PCDH1: variants seen among roughly 807,000 people sequenced by gnomAD.
The protein encoded by PCDH1 is protocadherin-1.
PCDH1 carries 23 observed loss-of-function variants against 74.6 expected under a neutral mutation model. The ratio of observed to expected loss-of-function variants is 0.31; its 90% CI spans 0.22 to 0.44. The LOEUF (loss-of-function observed/expected upper bound fraction) is 0.44, where lower values mean the gene tolerates loss of function less well. Among genes scored for constraint, PCDH1 ranks in the 20% least tolerant of loss-of-function variants. The pLI, the probability that PCDH1 is intolerant of heterozygous loss-of-function variation, is 1.00. For missense variants in PCDH1, 1,214 were observed against 1,641.4 expected (o/e 0.74, Z 4.50); for synonymous variants, 647 against 686.1 (o/e 0.94, Z 0.89).
chr5:141,863,184 G>A lies in PCDH1; in HGVS notation c.3099+48C>T, dbSNP rs757401753. On this transcript the variant is annotated intron_variant, in intron 3 of 4. Coordinates refer to ENST00000287008, the MANE Select transcript of PCDH1 (RefSeq NM_032420.5). This position sits in a 1 kb window ranked among gnomAD's most constrained non-coding sequence, Gnocchi z 7.5. ...CCTCGGTCCAGATGGCTCCGTGGTAGGGGTGGGGTAGGGGCTGGGGTGTGC... is the reference window on the plus strand; with the variant it reads ...CCTCGGTCCAGATGGCTCCGTGGTAAGGGTGGGGTAGGGGCTGGGGTGTGC... 1.3e-6 allele frequency: 2 copies of A among 1,515,624 alleles called. No individual in the cohort carries two copies. Among genetic ancestry groups the A allele is most frequent in the Admixed American group, 4.3e-5 (2 of 46,528 alleles). The allele number at this position is 1,515,624 out of a possible 1,614,324, so 93.9% of individuals were successfully genotyped here.
chr5:141,864,695 C>G lies in PCDH1; in HGVS notation c.1636G>C (p.Glu546Gln), dbSNP rs775053672. ...AGGCCCTTAGCAGCCGGCTCAGGCTCCAGAGAGTAAACCAGCTCAGCATTA... is the reference window on the plus strand; with the variant it reads ...AGGCCCTTAGCAGCCGGCTCAGGCTGCAGAGAGTAAACCAGCTCAGCATTA... ...GSNAELVYSL[E>Q]PEPAAKGLFT... The change falls in exon 3 of 5, where the codon GAG (glutamate) becomes CAG (glutamine). Residue 546 changes from glutamate (E) to glutamine (Q), a missense_variant. Transcript: ENST00000287008. The surrounding 1 kb of genome is among the most constrained non-coding windows in gnomAD (Gnocchi z 5.9). The G allele has an allele frequency of 4.1e-5, 66 of 1,614,028 alleles. No homozygotes were observed. The highest frequency in any genetic ancestry group is 5.0e-5 in the Non-Finnish European group (59 of 1,180,050).
intron 3 of PCDH1, chr5:141,862,514 G>T (rs2126811973): frequency 2.2e-6 from 1 of 452,894 alleles, no homozygotes; most frequent in Non-Finnish European, 2.9e-6. Flanking sequence ...AGATAGTGTG[G>T]GGTACAATGG....
At chr5:141,859,202 A>C (rs1300496901) in intron 3 of PCDH1, among the ~76,000 whole-genome samples, 1 of 152,110 alleles carries the variant, frequency 6.6e-6, no homozygotes, top group Non-Finnish European at 1.5e-5. Context: ...GGCACAGGGC[A>C]ACATGGTTGT....
rs569996585 is a variant in PCDH1, at chr5:141,868,478, C to T, written c.903+91G>A. On this transcript the variant is annotated intron_variant, in intron 2 of 4. Coordinates refer to ENST00000287008, the MANE Select transcript of PCDH1 (RefSeq NM_032420.5). This position sits in a 1 kb window ranked among gnomAD's most constrained non-coding sequence, Gnocchi z 4.8. ...TCACTACAGTATTCTGGCAGTTTTT[C>T]CCCTAAGTGAAGGGAACTCTCACCT... 1.3e-5 allele frequency: 20 copies of T among 1,499,618 alleles called. No homozygotes were observed. In the East Asian group the frequency reaches 4.4e-4, roughly 33 times the overall value. 92.9% of individuals were successfully genotyped at this position (1,499,618 alleles called of 1,614,324 possible). A position where few individuals can be genotyped will look rare whatever the true frequency, so the allele number is the denominator to read the frequency against.
intron 1 of PCDH1, among the ~76,000 whole-genome samples, chr5:141,870,329 C>T (rs1415512930): frequency 6.6e-6 from 1 of 152,206 alleles, no homozygotes; most frequent in Non-Finnish European, 1.5e-5. Context: ...TGCTAGGGCT[C>T]CTCTCCTCTC....
rs565768823 is a variant in PCDH1 at position 141,865,530 on chromosome 5, G to A, written c.904-103C>T. On this transcript the variant is annotated intron_variant, in intron 2 of 4. Transcript: ENST00000287008. The surrounding 1 kb of genome is among the most constrained non-coding windows in gnomAD (Gnocchi z 4.4). ...GCCAATGTCCTTTCCAACAAGCATGGCAGACACAGCCAATCCAACATCGCT... is the reference window on the plus strand; with the variant it reads ...GCCAATGTCCTTTCCAACAAGCATGACAGACACAGCCAATCCAACATCGCT... 2 of 1,282,840 alleles carry A rather than the reference G, an allele frequency of 1.6e-6. No homozygotes were observed. The highest frequency in any genetic ancestry group is 1.4e-5 in the South Asian group (1 of 73,350). 79.5% of individuals were successfully genotyped at this position (1,282,840 alleles called of 1,614,324 possible). A position where few individuals can be genotyped will look rare whatever the true frequency, so the allele number is the denominator to read the frequency against.
Position 141,864,347 on chromosome 5 carries a change from T to C in PCDH1, c.1984A>G (p.Asn662Asp). The change falls in exon 3 of 5, where the codon AAT becomes GAT. Residue 662 changes from asparagine to aspartate, a missense_variant. This residue lies in a region of PCDH1 where 836 missense variants were observed against 1,182.2 expected (regional missense o/e 0.71). Coordinates refer to ENST00000287008, the MANE Select transcript of PCDH1 (RefSeq NM_032420.5). The surrounding 1 kb of genome is among the most constrained non-coding windows in gnomAD (Gnocchi z 5.9). ...CTGGATAGGATGGTGCCTGTGCCAT[T>C]CTGGATAACAAAGTCACCGTTGTCC... ...EQDNGDFVIQ[N>D]GTGTILSSLS... The C allele has an allele frequency of 6.2e-7, 1 of 1,614,054 alleles. No homozygotes were observed. The highest frequency in any genetic ancestry group is 1.6e-4 in the Middle Eastern group (1 of 6,062).
In PCDH1 at chr5:141,869,121, A is replaced by G; in HGVS notation, c.351T>C (p.Arg117=). ...DIFTTETSID[R]EGLRECQNQL... ...GGTTCTGGCATTCACGGAGCCCCTC[A>G]CGGTCGATGGAGGTCTCGGTGGTGA... The change falls in exon 2 of 5, where the codon CGT becomes CGC. Residue 117 remains arginine, a synonymous_variant. Coordinates refer to ENST00000287008, the MANE Select transcript of PCDH1 (RefSeq NM_032420.5). The surrounding 1 kb of genome is among the most constrained non-coding windows in gnomAD (Gnocchi z 4.9). 6.2e-7 allele frequency: 1 copy of G among 1,611,520 alleles called. No individual in the cohort carries two copies. Among genetic ancestry groups the G allele is most frequent in the Non-Finnish European group, 8.5e-7 (1 of 1,179,412 alleles).
chr5:141,868,707 G>A lies in PCDH1; in HGVS notation c.765C>T (p.Gly255=), dbSNP rs371543146. 2.5e-5 allele frequency: 41 copies of A among 1,613,872 alleles called. 1 individual carries two copies. The highest frequency in any genetic ancestry group is 1.5e-4 in the Admixed American group (9 of 59,998). Residue 255 remains glycine, a synonymous_variant, in exon 2 of 5, where the codon GGC becomes GGT. Coordinates refer to ENST00000287008, the MANE Select transcript of PCDH1 (RefSeq NM_032420.5). This position sits in a 1 kb window ranked among gnomAD's most constrained non-coding sequence, Gnocchi z 4.8. The part of the protein sequence containing the change: ...SYDLTIKVQD[G]GSPPRASSAL... ...CACTGCTGGCGCGTGGGGGGCTGCC[G>A]CCATCCTGCACCTTGATGGTGAGGT... is the stretch of plus-strand genomic sequence containing the variant.
At chr5:141,858,778 G>A (rs11167761) in intron 3 of PCDH1, among the ~76,000 whole-genome samples, 22,039 of 152,142 alleles carry the variant, frequency 0.14, 1,939 homozygotes, top group East Asian at 0.22. Context: ...GAGTCTCTAA[G>A]CTCCTTCCCA....
chr5:141,856,196 C>T, intron 4 of PCDH1: 1 of 1,534,846 alleles, frequency 6.5e-7, no homozygotes, highest in Non-Finnish European at 8.7e-7. Flanking sequence ...TCCCACAGAC[C>T]CCAGACCCCA....
chr5:141,854,514 A>T, intron 4 of PCDH1, 78 bp from the exon 5 acceptor site: 2 of 1,447,064 alleles, frequency 1.4e-6, no homozygotes, highest in Admixed American at 4.3e-5. Context: ...TCCCACTGGC[A>T]TCTACACCCC....
Position 141,863,718 on chromosome 5 carries a change from C to A in PCDH1, c.2613G>T (p.Ala871=), listed in dbSNP as rs768809053. The part of the protein sequence containing the change: ...VVAVALLIAL[A]VLVRYCRQRE... ...GCTGTCTGCAGTAGCGCACAAGAAC[C>A]GCCAGGGCGATGAGCAAGGCCACGG... The change falls in exon 3 of 5, where the codon GCG becomes GCT. Residue 871 remains alanine, a synonymous_variant. Transcript: ENST00000287008. This position sits in a 1 kb window ranked among gnomAD's most constrained non-coding sequence, Gnocchi z 7.5. The A allele has an allele frequency of 1.9e-6, 3 of 1,614,086 alleles. No homozygotes were observed. In the Admixed American group the frequency reaches 5.0e-5, roughly 27 times the overall value.
chr5:141,854,309 G>A lies in PCDH1; in HGVS notation c.3447C>T (p.Ala1149=), dbSNP rs1405921170. ...AAGGCACGAAGGTGGAGAGTTTGAG[G>A]GCGCTGCTCTTGGTCCGGCGGCTGG... ...SSPSRRTKSS[A]LKLSTFVPYQ... Residue 1149 remains alanine (A), a synonymous_variant, in exon 5 of 5, where the codon GCC becomes GCT. Coordinates refer to ENST00000287008, the MANE Select transcript of PCDH1 (RefSeq NM_032420.5). 3 of 1,613,638 alleles carry A rather than the reference G, an allele frequency of 1.9e-6. No homozygotes were observed. Among genetic ancestry groups the A allele is most frequent in the Non-Finnish European group, 2.5e-6 (3 of 1,179,920 alleles).
At position 141,857,442 on chromosome 5, in the gene PCDH1, G is replaced by A. The variant is rs1434375873; in HGVS notation, c.3129C>T (p.Ala1043=). Residue 1043 remains alanine (A), a synonymous_variant, in exon 4 of 5, where the codon GCC becomes GCT. Coordinates refer to ENST00000287008, the MANE Select transcript of PCDH1 (RefSeq NM_032420.5). ...CCTGCAGCTCCTGGGCCTGGCTGGT[G>A]GCCGAGAAGGTGACGCGGCGGTGAG... is the stretch of plus-strand genomic sequence containing the variant. ...QLPHRRVTFS[A]TSQAQELQDP... The A allele has an allele frequency of 2.5e-6, 4 of 1,613,812 alleles. No individual in the cohort carries two copies. The African/African-American group carries it at 4.0e-5, about 16-fold the overall frequency.
At position 141,865,405 on chromosome 5, in the gene PCDH1, T is replaced by C; in HGVS notation, c.926A>G (p.Gln309Arg). 6.2e-7 allele frequency: 1 copy of C among 1,613,486 alleles called. No homozygotes were observed. The highest frequency in any genetic ancestry group is 8.5e-7 in the Non-Finnish European group (1 of 1,179,950). Residue 309 changes from glutamine to arginine, a missense_variant, in exon 3 of 5, where the codon CAA (glutamine) becomes CGA (arginine). Gln to Arg is a conservative substitution (Grantham distance 43, BLOSUM62 1). Around this residue, in one of 4 missense-constraint regions of PCDH1, gnomAD observed 836 missense variants for 1,182.2 expected, o/e 0.71. Coordinates refer to ENST00000287008, the MANE Select transcript of PCDH1 (RefSeq NM_032420.5). This position sits in a 1 kb window ranked among gnomAD's most constrained non-coding sequence, Gnocchi z 4.4. Reference sequence around the variant, plus strand: ...GTATTCGATTTCTGCATTGGCACCTTGGTCTGAGTCATTGGCCTTCACCTA... The same window carrying C: ...GTATTCGATTTCTGCATTGGCACCTCGGTCTGAGTCATTGGCCTTCACCTA... ...VIQVKANDSD[Q>R]GANAEIEYTF...
chr5:141,863,139 C>T lies in PCDH1; in HGVS notation c.3099+93G>A. The T allele has an allele frequency of 6.8e-7, 1 of 1,467,910 alleles. No homozygotes were observed. The highest frequency in any genetic ancestry group is 9.0e-7 in the Non-Finnish European group (1 of 1,107,154). 90.9% of individuals were successfully genotyped at this position (1,467,910 alleles called of 1,614,324 possible). A position where few individuals can be genotyped will look rare whatever the true frequency, so the allele number is the denominator to read the frequency against. The stretch of plus-strand genomic sequence containing the variant: ...CCCCAACACGGGCAGGCACAGTAAA[C>T]CTGCTCCATCACTCCCACACCTCGG... On this transcript the variant is annotated intron_variant, in intron 3 of 4. Coordinates refer to ENST00000287008, the MANE Select transcript of PCDH1 (RefSeq NM_032420.5). The surrounding 1 kb of genome is among the most constrained non-coding windows in gnomAD (Gnocchi z 7.5).
chr5:141,872,783 C>T (rs1349303279), intron 1 of PCDH1, among the ~76,000 whole-genome samples: 1 of 152,138 alleles, frequency 6.6e-6, no homozygotes, highest in Non-Finnish European at 1.5e-5. Flanking sequence ...TGGTATCTAA[C>T]CTCTGAATTG....
intron 1 of PCDH1, among the ~76,000 whole-genome samples, chr5:141,877,762 C>T (rs1194894285): frequency 6.6e-6 from 1 of 152,138 alleles, no homozygotes; most frequent in Non-Finnish European, 1.5e-5. Flanking sequence ...CTCTGGGTGC[C>T]CGCGAGAAGC....
Sources: gnomAD v4.1 joint callset for allele counts (sites outside exome capture counted in the v4.1 genomes callset) on GRCh38, gnomAD v4.1.1 for gene constraint, gnomAD v4.1.1 regional missense constraint, Gnocchi (gnomAD v3.1) non-coding constraint, MANE v1.5 for transcripts, NCBI Gene and HGNC (gene_info 2026-07-23, HGNC 2026-07-21) for gene names.